Variants in HGSNAT observed in about 807,000 individuals in gnomAD.
The protein encoded by HGSNAT is transmembrane protein 76.
In HGSNAT, 59 loss-of-function variants were observed where a neutral mutation model predicts 85.2. The observed-to-expected ratio is 0.69, with a 90% CI of 0.56 to 0.86. HGSNAT has a LOEUF of 0.86. Ranked by LOEUF, HGSNAT falls within the 40% of genes least tolerant of loss-of-function variation. The pLI, the probability that HGSNAT is intolerant of heterozygous loss-of-function variation, is 0.00. For missense variants in HGSNAT, 756 were observed against 777.1 expected (o/e 0.97, Z 0.32); for synonymous variants, 321 against 304.5 (o/e 1.05, Z -0.56).
In HGSNAT at chr8:43,199,867, G is replaced by T. The variant is rs1411261499; in HGVS notation, c.*298G>T. 3 of 209,170 alleles carry T rather than the reference G, an allele frequency of 1.4e-5. No individual in the cohort carries two copies. The highest frequency in any genetic ancestry group is 2.8e-5 in the Non-Finnish European group (3 of 105,800). 13.0% of individuals were successfully genotyped at this position (209,170 alleles called of 1,614,324 possible). A position where few individuals can be genotyped will look rare whatever the true frequency, so the allele number is the denominator to read the frequency against. ...AGATAAGCTTTAACTTTCCAAAAGG[G>T]AATTGCCATGGGTGTTTTTCTTCTG... On this transcript the variant is annotated 3_prime_UTR_variant, in exon 18 of 18. Transcript: ENST00000379644.
chr8:43,173,405 G>A (rs1803696958), intron 8 of HGSNAT, among the ~76,000 whole-genome samples: 1 of 151,858 alleles, frequency 6.6e-6, no homozygotes. Context: ...TGCCTCCCAG[G>A]TTCAAGTGAT....
intron 2 of HGSNAT, among the ~76,000 whole-genome samples, chr8:43,154,629 A>G (rs999212649): frequency 3.9e-5 from 6 of 152,050 alleles, no homozygotes; most frequent in Non-Finnish European, 8.8e-5. Flanking sequence ...AGTCTTTGCT[A>G]TTGTGAATAG....
chr8:43,145,774 TTGAGC>T (rs1451414982), intron 1 of HGSNAT, among the ~76,000 whole-genome samples: 2 of 151,450 alleles, frequency 1.3e-5, no homozygotes, highest in African/African-American at 4.9e-5. Flanking sequence ...GAAAGAGGGA[TTGAGC>T]TGGCTACGTG....
intron 11 of HGSNAT, among the ~76,000 whole-genome samples, chr8:43,183,637 AT>A (rs1009126622): frequency 2.6e-5 from 4 of 151,630 alleles, no homozygotes; most frequent in Middle Eastern, 3.4e-3. Flanking sequence ...CTCCCAGCTA[AT>A]TTTTTTTTAA....
chr8:43,170,692 G>C lies in HGSNAT; in HGVS notation c.741G>C (p.Arg247Ser). The C allele has an allele frequency of 1.3e-6, 2 of 1,590,554 alleles. No homozygotes were observed. The highest frequency in any genetic ancestry group is 1.7e-6 in the Non-Finnish European group (2 of 1,168,302). ...PPRLRSVDTF[R>S]GIALILMVFV... Reference sequence around the variant, plus strand: ...GCCTCCGCAGCGTGGACACCTTCAGGGGGTATGTGGGCCTCCCTGTAGCAC... The same window carrying C: ...GCCTCCGCAGCGTGGACACCTTCAGCGGGTATGTGGGCCTCCCTGTAGCAC... The change falls in exon 7 of 18, where the codon AGG (arginine) becomes AGC (serine). Residue 247 changes from arginine (R) to serine (S), a missense_variant and splice_region_variant. Physicochemically the swap from Arg to Ser is moderately radical, Grantham distance 110 (BLOSUM62 -1). Transcript: ENST00000379644.
At chr8:43,173,171 G>A (rs533935377) in intron 8 of HGSNAT, among the ~76,000 whole-genome samples, 31 of 151,820 alleles carry the variant, frequency 2.0e-4, no homozygotes, top group African/African-American at 7.2e-4. Flanking sequence ...ACAATTTTTA[G>A]TACAGATGGT....
Position 43,160,756 on chromosome 8 carries a change from C to T in HGSNAT, c.494-682C>T, listed in dbSNP as rs530752793. On this transcript the variant is annotated intron_variant, in intron 4 of 17. Transcript: ENST00000379644. ...AAATGTCCCTTTTAATATCCTTCTC[C>T]GGTGCTGGATTTGAGGTAGGATCCC... Among the ~76,000 whole-genome samples, 7 of 152,200 alleles carry T rather than the reference C, an allele frequency of 4.6e-5. 1 individual carries two copies. Among genetic ancestry groups the T allele is most frequent in the South Asian group, 4.1e-4 (2 of 4,824 alleles).
chr8:43,175,863 G>A (rs1340562690), intron 9 of HGSNAT, among the ~76,000 whole-genome samples: 19 of 151,786 alleles, frequency 1.3e-4, no homozygotes, highest in African/African-American at 3.1e-4. Flanking sequence ...CACCGAGCCC[G>A]GCCTTTTAAT....
chr8:43,196,825 C>G, intron 14 of HGSNAT, 123 bp from the exon 15 acceptor site: 2 of 679,678 alleles, frequency 2.9e-6, no homozygotes, highest in Non-Finnish European at 5.3e-6. Flanking sequence ...CCCTGTAATC[C>G]CAGCACCTAG....
chr8:43,190,174 C>G (rs1426086867), intron 11 of HGSNAT, among the ~76,000 whole-genome samples: 1 of 152,146 alleles, frequency 6.6e-6, no homozygotes, highest in Non-Finnish European at 1.5e-5. Flanking sequence ...TGATTACTTC[C>G]TCTCTTACTA....
At chr8:43,191,396 AT>A (rs1044018065) in intron 11 of HGSNAT, 77 bp from the exon 12 acceptor site, 191 of 1,539,824 alleles carry the variant, frequency 1.2e-4, no homozygotes, top group Non-Finnish European at 1.5e-4. Flanking sequence ...GTCACCGGGA[AT>A]TTCCTAAAGA....
intron 4 of HGSNAT, among the ~76,000 whole-genome samples, chr8:43,159,357 G>C (rs1037842892): frequency 5.3e-5 from 8 of 152,192 alleles, no homozygotes; most frequent in Non-Finnish European, 1.5e-5. Flanking sequence ...GGAGGCCAAG[G>C]CAGGCAGATC....
At chr8:43,142,412 T>C (rs2130659302) in intron 1 of HGSNAT, among the ~76,000 whole-genome samples, 1 of 152,346 alleles carries the variant, frequency 6.6e-6, no homozygotes, top group Middle Eastern at 3.4e-3. Flanking sequence ...ATTTGATGAC[T>C]TATTTGATGG....
chr8:43,166,112 AAAAGTTGG>A (rs2130734378), intron 5 of HGSNAT, among the ~76,000 whole-genome samples: 1 of 152,316 alleles, frequency 6.6e-6, no homozygotes, highest in African/African-American at 2.4e-5. Context: ...TCTGCAGAAG[AAAAGTTGG>A]AAACTAGCAG....
intron 1 of HGSNAT, among the ~76,000 whole-genome samples, chr8:43,146,145 C>A (rs530398048): frequency 6.6e-6 from 1 of 152,174 alleles, no homozygotes; most frequent in South Asian, 2.1e-4. Flanking sequence ...TGGATTGGGG[C>A]ATGCTCCCAA....
In HGSNAT at chr8:43,149,713, A is replaced by ATTTT. The variant is rs534725579; in HGVS notation, c.234+2656_234+2659dup. Among the ~76,000 whole-genome samples, 378 of 151,452 alleles carry ATTTT rather than the reference A, an allele frequency of 2.5e-3. 2 individuals are homozygous for ATTTT. The highest frequency in any genetic ancestry group is 0.011 in the South Asian group (53 of 4,792). On this transcript the variant is annotated intron_variant, in intron 2 of 17. Coordinates refer to ENST00000379644, the MANE Select transcript of HGSNAT (RefSeq NM_152419.3). The stretch of plus-strand genomic sequence containing the variant: ...AGACTCTGTCTCAAAAAAAAAAAAA[A>ATTTT]TTTTTTTTTAAATTTTAAGCAGATG...
chr8:43,190,531 A>T (rs1804492359), intron 11 of HGSNAT, among the ~76,000 whole-genome samples: 2 of 152,114 alleles, frequency 1.3e-5, no homozygotes, highest in Admixed American at 1.3e-4. Context: ...GTGGGCACAG[A>T]GCTTGGTCAG....
chr8:43,168,432 C>T (rs1423039906), intron 5 of HGSNAT, among the ~76,000 whole-genome samples: 89 of 110,128 alleles, frequency 8.1e-4, no homozygotes, highest in African/African-American at 3.1e-3. Flanking sequence ...CGCTCTGTTG[C>T]CCAGGCTGGA....
intron 11 of HGSNAT, among the ~76,000 whole-genome samples, chr8:43,189,883 GCGTCTGGC>G (rs373644867): frequency 9.9e-5 from 15 of 152,196 alleles, no homozygotes; most frequent in African/African-American, 3.4e-4. Flanking sequence ...GGGAGCCACC[GCGTCTGGC>G]CGCCTGACCC....
Sources: allele counts gnomAD v4.1 joint callset (sites outside exome capture counted in the v4.1 genomes callset), GRCh38; gene constraint gnomAD v4.1.1; transcripts MANE v1.5; gene names NCBI Gene and HGNC (gene_info 2026-07-23, HGNC 2026-07-21).